Variants in ECPAS observed in about 807,000 individuals in gnomAD.
ECPAS encodes the protein Ecm29 proteasome adaptor and scaffold, also known as proteasome adapter and scaffold protein ECM29.
ECPAS carries 70 observed loss-of-function variants against 255.1 expected under a neutral mutation model. The observed-to-expected ratio is 0.27, with a 90% CI of 0.23 to 0.33. The LOEUF is 0.33. Among genes scored for constraint, ECPAS ranks in the 10% least tolerant of loss-of-function variants. ECPAS has a pLI of 1.00. For synonymous variants in ECPAS, 784 were observed against 775.0 expected, an observed-to-expected ratio of 1.01 and a Z score of -0.19; for missense variants, 1,817 against 2,206.4, an observed-to-expected ratio of 0.82 and a Z score of 3.54.
chr9:111,460,958 G>A (rs1268335990), intron 2 of ECPAS, among the ~76,000 whole-genome samples: 1 of 152,050 alleles, frequency 6.6e-6, no homozygotes, highest in Non-Finnish European at 1.5e-5. Flanking sequence ...GCCTATAGTG[G>A]TTCCAGGCCA....
intron 2 of ECPAS, among the ~76,000 whole-genome samples, chr9:111,454,370 G>A (rs756883846): frequency 1.3e-5 from 2 of 152,142 alleles, no homozygotes; most frequent in African/African-American, 2.4e-5. Context: ...TCCTTTTCAT[G>A]CAATCATTTG....
intron 24 of ECPAS, among the ~76,000 whole-genome samples, chr9:111,407,092 GA>G (rs769434465): frequency 1.4e-5 from 2 of 145,344 alleles, no homozygotes; most frequent in Non-Finnish European, 3.0e-5. Flanking sequence ...GAATCCAGAC[GA>G]GCCTTCATTA....
intron 2 of ECPAS, among the ~76,000 whole-genome samples, chr9:111,470,713 T>G (rs2098286539): frequency 7.8e-6 from 1 of 127,622 alleles, no homozygotes; most frequent in Admixed American, 8.0e-5. Flanking sequence ...CCGCACCCAC[T>G]TCCCCACAAC....
intron 4 of ECPAS, among the ~76,000 whole-genome samples, chr9:111,443,270 A>C (rs1457175072): frequency 6.6e-6 from 1 of 152,146 alleles, no homozygotes; most frequent in Non-Finnish European, 1.5e-5. Context: ...TTTTCCCCCA[A>C]GACAGAGTCT....
At chr9:111,457,969 G>A (rs1053976029) in intron 2 of ECPAS, among the ~76,000 whole-genome samples, 1 of 152,108 alleles carries the variant, frequency 6.6e-6, no homozygotes, top group Non-Finnish European at 1.5e-5. Flanking sequence ...CAACTAAGGA[G>A]AATTTCTGCT....
intron 46 of ECPAS, 107 bp from the exon 47 acceptor site, chr9:111,366,734 GAGAA>G (rs2098120790): frequency 1.4e-6 from 1 of 701,786 alleles, no homozygotes; most frequent in Non-Finnish European, 2.6e-6. Flanking sequence ...AAGAGGGAAA[GAGAA>G]AGAGAGAAGG....
rs920086049 is a variant in ECPAS, at chr9:111,417,996, C to T, written c.1570G>A (p.Val524Ile). 2 of 1,593,442 alleles carry T rather than the reference C, an allele frequency of 1.3e-6. No homozygotes were observed. Among genetic ancestry groups the T allele is most frequent in the Non-Finnish European group, 1.7e-6 (2 of 1,173,126 alleles). Reference sequence around the variant, plus strand: ...AATACGCGTTGTGCTTCTCCATGAACTTCTTCACGTCTTTCAGAAAAAGAC... The same window carrying T: ...AATACGCGTTGTGCTTCTCCATGAATTTCTTCACGTCTTTCAGAAAAAGAC... ...LLAAGDPREE[V>I]HGEAQRVLRC... The change falls in exon 17 of 50, where the codon GTT becomes ATT. Residue 524 changes from valine (V) to isoleucine (I), a missense_variant. Physicochemically the swap from Val to Ile is conservative, Grantham distance 29. Transcript: ENST00000684092.
At chr9:111,418,374 A>G (rs2098207814) in intron 16 of ECPAS, among the ~76,000 whole-genome samples, 1 of 152,172 alleles carries the variant, frequency 6.6e-6, no homozygotes, top group Admixed American at 6.5e-5. Flanking sequence ...TGGTCTACAC[A>G]CTCCACCCAA....
chr9:111,430,716 A>G, intron 8 of ECPAS, 88 bp from the exon 9 acceptor site: 1 of 790,564 alleles, frequency 1.3e-6, no homozygotes, highest in South Asian at 1.6e-5. Flanking sequence ...ACATTTCTTA[A>G]CAAAAGAAAA....
At chr9:111,372,668 G>T in intron 41 of ECPAS, 48 bp from the exon 42 acceptor site, 1 of 1,419,944 alleles carries the variant, frequency 7.0e-7, no homozygotes, top group Non-Finnish European at 9.6e-7. Flanking sequence ...GTTTTTAAGG[G>T]TAACTGATCT....
intron 1 of ECPAS, among the ~76,000 whole-genome samples, chr9:111,476,562 A>G (rs1443647397): frequency 6.6e-6 from 1 of 151,062 alleles, no homozygotes; most frequent in African/African-American, 2.4e-5. Context: ...TGTTCTGTTC[A>G]GTAACATCAG....
intron 6 of ECPAS, 82 bp downstream of exon 6, chr9:111,440,290 A>G: frequency 8.0e-7 from 1 of 1,246,166 alleles, no homozygotes; most frequent in Non-Finnish European, 1.1e-6. Context: ...TTTACTAGTG[A>G]GAGTTTAATC....
At chr9:111,477,767 A>G (rs1251041707) in intron 1 of ECPAS, among the ~76,000 whole-genome samples, 2 of 152,218 alleles carry the variant, frequency 1.3e-5, no homozygotes, top group Non-Finnish European at 2.9e-5. Context: ...AACACACGGT[A>G]AACACACAAT....
At chr9:111,424,655 T>C (rs1343545542) in intron 12 of ECPAS, among the ~76,000 whole-genome samples, 1 of 152,218 alleles carries the variant, frequency 6.6e-6, no homozygotes, top group East Asian at 1.9e-4. Flanking sequence ...ATGCATGTTT[T>C]GACAGAATTT....
intron 16 of ECPAS, 27 bp downstream of exon 16, chr9:111,419,990 T>C (rs1460705682): frequency 6.7e-7 from 1 of 1,497,904 alleles, no homozygotes. Context: ...TAAACCAAAA[T>C]TCAAATTAAC....
intron 8 of ECPAS, among the ~76,000 whole-genome samples, chr9:111,430,979 G>A (rs1231935029): frequency 6.6e-6 from 1 of 152,174 alleles, no homozygotes; most frequent in African/African-American, 2.4e-5. Flanking sequence ...TACTACACTT[G>A]TTCAAAGAGG....
chr9:111,473,008 T>C lies in ECPAS; in HGVS notation c.-82-8A>G. The C allele has an allele frequency of 1.0e-6, 1 of 974,054 alleles. No individual in the cohort carries two copies. The highest frequency in any genetic ancestry group is 1.3e-6 in the Non-Finnish European group (1 of 772,434). The allele number at this position is 974,054 out of a possible 1,614,324, so 60.3% of individuals were successfully genotyped here. A position where few individuals can be genotyped will look rare whatever the true frequency, so the allele number is the denominator to read the frequency against. ...TGCAATTGTATAAAGAATCTATTAT[T>C]TAGAACACCAAAAAAATACAATTAA... On this transcript the variant is annotated splice_polypyrimidine_tract_variant and splice_region_variant and intron_variant, in intron 1 of 49. Coordinates refer to ENST00000684092, the MANE Select transcript of ECPAS (RefSeq NM_001364929.1).
chr9:111,398,949 A>T (rs1342930263), intron 24 of ECPAS, among the ~76,000 whole-genome samples: 1 of 152,076 alleles, frequency 6.6e-6, no homozygotes, highest in Admixed American at 6.6e-5. Flanking sequence ...AAAAAAAAAG[A>T]ATGAATGAGA....
At chr9:111,387,535 CTCA>C (rs1380954647) in intron 31 of ECPAS, among the ~76,000 whole-genome samples, 1 of 151,668 alleles carries the variant, frequency 6.6e-6, no homozygotes, top group African/African-American at 2.4e-5. Context: ...CAGAGTCTCA[CTCA>C]TCATCAGTGC....
Sources: allele counts gnomAD v4.1 joint callset (sites outside exome capture counted in the v4.1 genomes callset), GRCh38; gene constraint gnomAD v4.1.1; transcripts MANE v1.5; gene names NCBI Gene and HGNC (gene_info 2026-07-23, HGNC 2026-07-21).